The following AGO3 variants were observed in gnomAD, a reference collection of about 807,000 sequenced individuals.
The protein encoded by AGO3 is protein argonaute-3.
A neutral mutation model predicts 105.5 loss-of-function variants in AGO3; 16 were observed. The ratio of observed to expected loss-of-function variants is 0.15; its 90% CI spans 0.10 to 0.23. The LOEUF (loss-of-function observed/expected upper bound fraction) is 0.23. Among genes scored for constraint, AGO3 ranks in the 10% least tolerant of loss-of-function variants. The pLI is 1.00. For missense variants in AGO3, 534 were observed against 1,088.0 expected (o/e 0.49, Z 7.16); for synonymous variants, 340 against 367.3 (o/e 0.93, Z 0.85).
intron 5 of AGO3, among the ~76,000 whole-genome samples, chr1:35,986,223 C>T (rs1203830153): frequency 1.3e-5 from 2 of 152,222 alleles, no homozygotes; most frequent in African/African-American, 2.4e-5. Context: ...AAAGAGATAT[C>T]TTGCATGTGT....
At chr1:35,988,063 G>A (rs1305609834) in intron 5 of AGO3, among the ~76,000 whole-genome samples, 1 of 151,886 alleles carries the variant, frequency 6.6e-6, no homozygotes, top group Non-Finnish European at 1.5e-5. Flanking sequence ...GCAAGACTCT[G>A]TCTCAAAGAA....
At chr1:36,014,786 A>C (rs995618450) in intron 11 of AGO3, among the ~76,000 whole-genome samples, 1 of 151,850 alleles carries the variant, frequency 6.6e-6, no homozygotes, top group African/African-American at 2.4e-5. Context: ...AAAAAAAAAA[A>C]AAAACTTCTC....
rs568050234 is a variant in AGO3, at chr1:36,030,018, G to A, written c.1591+2720G>A. Among the ~76,000 whole-genome samples, 224 of 151,414 alleles carry A rather than the reference G, an allele frequency of 1.5e-3. 1 individual carries two copies. Among genetic ancestry groups the A allele is most frequent in the African/African-American group, 5.1e-3 (211 of 41,162 alleles). On this transcript the variant is annotated intron_variant, in intron 12 of 18. Transcript: ENST00000373191. ...CCTAAATTTCCTACATGTCACGGAT[G>A]TACTAAAATGAAAAGAAAACCAATA...
At chr1:36,004,136 G>A in intron 5 of AGO3, 1 of 441,136 alleles carries the variant, frequency 2.3e-6, no homozygotes, top group African/African-American at 2.0e-5. Context: ...GAAAGAGATA[G>A]ATTATAAAAA....
intron 11 of AGO3, among the ~76,000 whole-genome samples, chr1:36,019,541 A>G (rs1262368899): frequency 6.6e-6 from 1 of 152,254 alleles, no homozygotes; most frequent in Non-Finnish European, 1.5e-5. Context: ...AGCTGCTGTT[A>G]TAGCATCAGC....
rs376519370 is a variant in AGO3, at chr1:36,032,314, C to T, written c.1592-1860C>T. On this transcript the variant is annotated intron_variant, in intron 12 of 18. Coordinates refer to ENST00000373191, the MANE Select transcript of AGO3 (RefSeq NM_024852.4). ...TTGCATTTTCCTAAATGATTAGAGA[C>T]GTTGGGCATCTTTTCATGTGCTTAT... Among the ~76,000 whole-genome samples the T allele has an allele frequency of 1.4e-3, 210 of 152,136 alleles. 5 individuals carry two copies. The South Asian group carries it at 0.04, about 29-fold the overall frequency.
At chr1:36,013,849 G>T in intron 10 of AGO3, 66 bp from the exon 11 acceptor site, 2 of 1,602,396 alleles carry the variant, frequency 1.2e-6, no homozygotes, top group Middle Eastern at 3.3e-4. Context: ...GATTTGAAAT[G>T]TTTACTTTCT....
intron 1 of AGO3, among the ~76,000 whole-genome samples, chr1:35,938,884 G>A (rs775185213): frequency 1.3e-5 from 2 of 151,874 alleles, no homozygotes; most frequent in African/African-American, 2.4e-5. Flanking sequence ...GTAGGCTATT[G>A]TTTAGCTTTA....
chr1:35,999,230 C>T (rs1425270070), intron 5 of AGO3, among the ~76,000 whole-genome samples: 4 of 152,206 alleles, frequency 2.6e-5, no homozygotes, highest in Admixed American at 2.6e-4. Context: ...ATCCCAGCTA[C>T]TCGGGAGGCT....
intron 3 of AGO3, among the ~76,000 whole-genome samples, chr1:35,968,445 C>T (rs1646811486): frequency 6.6e-6 from 1 of 152,134 alleles, no homozygotes; most frequent in South Asian, 2.1e-4. Context: ...TTGCTCCCTC[C>T]CCTCAGCCCT....
At chr1:36,010,180 C>T (rs944797234) in intron 9 of AGO3, among the ~76,000 whole-genome samples, 19 of 151,972 alleles carry the variant, frequency 1.3e-4, no homozygotes, top group Non-Finnish European at 1.6e-4. Flanking sequence ...ACTTTGTGAT[C>T]CGCCCGCCTC....
In AGO3 at chr1:36,009,396, T is replaced by C. The variant is rs1569756477; in HGVS notation, c.1030-79T>C. 2.8e-6 allele frequency: 4 copies of C among 1,451,438 alleles called. No individual in the cohort carries two copies. The East Asian group carries it at 9.4e-5, about 34-fold the overall frequency. 89.9% of individuals were successfully genotyped at this position (1,451,438 alleles called of 1,614,324 possible). A position where few individuals can be genotyped will look rare whatever the true frequency, so the allele number is the denominator to read the frequency against. ...TAATGAAGTTGATTTTAAATTTTTA[T>C]TTACATGTAATTGGCACTAAGTAAG... On this transcript the variant is annotated intron_variant, in intron 8 of 18. Coordinates refer to ENST00000373191, the MANE Select transcript of AGO3 (RefSeq NM_024852.4).
In AGO3 at chr1:35,938,137, C is replaced by A. The variant is rs549289053; in HGVS notation, c.19+6692C>A. Among the ~76,000 whole-genome samples, 13 of 151,946 alleles carry A rather than the reference C, an allele frequency of 8.6e-5. No homozygotes were observed. In the East Asian group the frequency reaches 2.3e-3, roughly 27 times the overall value. On this transcript the variant is annotated intron_variant, in intron 1 of 18. Transcript: ENST00000373191. ...CTGGGATTACAGGTGCCCGCCACCA[C>A]GTCCAGCTAATTTTTGTATTTTTAG...
chr1:35,965,984 C>A (rs992022644), intron 2 of AGO3, among the ~76,000 whole-genome samples: 1 of 151,960 alleles, frequency 6.6e-6, no homozygotes, highest in Non-Finnish European at 1.5e-5. Context: ...CGCCACTGTA[C>A]CCGGCTAATT....
chr1:36,066,418 G>C lies in AGO3; in HGVS notation c.*10673G>C, dbSNP rs1351102291. The stretch of plus-strand genomic sequence containing the variant: ...CTACTAAAAATACAAAAATTAGCCA[G>C]GCATGGTGGTGGGCGCCTGTAATCC... On this transcript the variant is annotated 3_prime_UTR_variant, in exon 19 of 19. Transcript: ENST00000373191. The C allele has an allele frequency of 3.9e-5, 6 of 152,194 alleles. No homozygotes were observed. The allele number at this position is 152,194 out of a possible 1,614,324, so 9.4% of individuals were successfully genotyped here.
chr1:35,988,751 G>C (rs181238479), intron 5 of AGO3, among the ~76,000 whole-genome samples: 29 of 151,896 alleles, frequency 1.9e-4, no homozygotes, highest in African/African-American at 6.8e-4. Context: ...GGAGTGCAGG[G>C]GTCTCCTTGA....
At chr1:36,016,073 T>C (rs188087510) in intron 11 of AGO3, among the ~76,000 whole-genome samples, 1 of 152,318 alleles carries the variant, frequency 6.6e-6, no homozygotes, top group East Asian at 1.9e-4. Context: ...AGCTTGGCAT[T>C]TGCCTTATTT....
At chr1:35,937,268 T>G (rs1225938845) in intron 1 of AGO3, among the ~76,000 whole-genome samples, 3 of 151,814 alleles carry the variant, frequency 2.0e-5, no homozygotes, top group Admixed American at 2.0e-4. Flanking sequence ...CCGGGCATAG[T>G]GGCGGGTGCC....
At chr1:35,949,512 G>A (rs1646431001) in intron 2 of AGO3, among the ~76,000 whole-genome samples, 1 of 152,172 alleles carries the variant, frequency 6.6e-6, no homozygotes, top group South Asian at 2.1e-4. Flanking sequence ...GAACTAGATA[G>A]AACTTAACAA....
Sources: allele counts gnomAD v4.1 joint callset (sites outside exome capture counted in the v4.1 genomes callset), GRCh38; gene constraint gnomAD v4.1.1; transcripts MANE v1.5; gene names NCBI Gene and HGNC (gene_info 2026-07-23, HGNC 2026-07-21).